PDE11A: variants seen among roughly 807,000 people sequenced by gnomAD.
PDE11A encodes the protein phosphodiesterase 11A.
Under a neutral mutation model 100.5 loss-of-function variants are expected in PDE11A, and 100 were observed. That is an observed-to-expected ratio of 1.00 (90% CI 0.85 to 1.18). The LOEUF is 1.18. Ranked by LOEUF, PDE11A falls within the 50% of genes most tolerant of loss-of-function variation. The pLI is 0.00. For missense variants in PDE11A, 1,141 were observed against 1,152.6 expected (o/e 0.99, Z 0.15); for synonymous variants, 381 against 420.8 (o/e 0.91, Z 1.16).
intron 6 of PDE11A, among the ~76,000 whole-genome samples, chr2:177,837,047 G>A (rs969349020): frequency 2.6e-5 from 4 of 152,308 alleles, no homozygotes; most frequent in African/African-American, 7.2e-5. Flanking sequence ...GAAACCTGAC[G>A]TGCCAGCAAA....
chr2:178,011,724 C>G (rs1161435351), intron 2 of PDE11A, among the ~76,000 whole-genome samples: 5 of 152,172 alleles, frequency 3.3e-5, no homozygotes, highest in African/African-American at 1.2e-4. Flanking sequence ...CTTACTAAGT[C>G]CTAAGTTCTC....
chr2:177,680,188 T>G lies in PDE11A; in HGVS notation c.2423+638A>C, dbSNP rs570203173. ...GAGCTCTCCCAGCAAAACTTAGCAATGTTAGAACAGGGATAAGACAGCAGA... is the reference window on the plus strand; with the variant it reads ...GAGCTCTCCCAGCAAAACTTAGCAAGGTTAGAACAGGGATAAGACAGCAGA... On this transcript the variant is annotated intron_variant, in intron 16 of 19. Coordinates refer to ENST00000286063, the MANE Select transcript of PDE11A (RefSeq NM_016953.4). 5.3e-5 allele frequency among the ~76,000 whole-genome samples: 8 copies of G among 152,120 alleles called. No homozygotes were observed. The East Asian group carries it at 1.5e-3, about 29-fold the overall frequency.
At chr2:178,043,309 A>G (rs541377173) in intron 1 of PDE11A, among the ~76,000 whole-genome samples, 17 of 152,260 alleles carry the variant, frequency 1.1e-4, no homozygotes, top group African/African-American at 4.1e-4. Context: ...TCCTCCTTTC[A>G]CACTAAATTC....
At chr2:177,792,188 A>C (rs1223846523) in intron 9 of PDE11A, among the ~76,000 whole-genome samples, 1 of 152,184 alleles carries the variant, frequency 6.6e-6, no homozygotes, top group Non-Finnish European at 1.5e-5. Flanking sequence ...TAAATGTATT[A>C]ATGTTTCACA....
intron 2 of PDE11A, among the ~76,000 whole-genome samples, chr2:177,950,473 C>G (rs761754806): frequency 9.9e-5 from 15 of 152,164 alleles, no homozygotes; most frequent in Admixed American, 6.5e-5. Flanking sequence ...CCTGAAGTCA[C>G]AGGGCAGCGT....
chr2:177,961,392 G>A (rs1402667750), intron 2 of PDE11A, among the ~76,000 whole-genome samples: 2 of 152,042 alleles, frequency 1.3e-5, no homozygotes, highest in African/African-American at 4.8e-5. Context: ...TAGTATAGAG[G>A]CTGTATCGCT....
intron 5 of PDE11A, among the ~76,000 whole-genome samples, chr2:177,864,693 A>G (rs2083999546): frequency 6.6e-6 from 1 of 152,204 alleles, no homozygotes; most frequent in South Asian, 2.1e-4. Context: ...ATCAATTATG[A>G]GATAGCACTC....
intron 13 of PDE11A, among the ~76,000 whole-genome samples, chr2:177,702,025 G>A (rs999661445): frequency 2.6e-5 from 4 of 152,194 alleles, no homozygotes; most frequent in Admixed American, 6.5e-5. Flanking sequence ...TTCCCAGCAT[G>A]TAGTAGATTG....
At chr2:177,786,914 G>A (rs1044122019) in intron 9 of PDE11A, among the ~76,000 whole-genome samples, 5 of 151,620 alleles carry the variant, frequency 3.3e-5, no homozygotes, top group East Asian at 3.9e-4. Context: ...ACGTCTGATC[G>A]GTGTACCTGA....
intron 4 of PDE11A, among the ~76,000 whole-genome samples, chr2:177,889,036 C>A (rs139809597): frequency 2.8e-4 from 43 of 152,302 alleles, no homozygotes; most frequent in African/African-American, 9.9e-4. Flanking sequence ...CACTCATCAC[C>A]TGCTTGGCTA....
intron 2 of PDE11A, among the ~76,000 whole-genome samples, chr2:178,000,059 A>C (rs2086125154): frequency 6.6e-6 from 1 of 152,126 alleles, no homozygotes. Flanking sequence ...GGGGTGGGGG[A>C]AATGCTCTTT....
At chr2:177,992,367 G>A (rs2086014769) in intron 2 of PDE11A, among the ~76,000 whole-genome samples, 1 of 151,362 alleles carries the variant, frequency 6.6e-6, no homozygotes, top group Admixed American at 6.6e-5. Flanking sequence ...AGATTCCAGG[G>A]CATCCACTTG....
chr2:177,637,979 GTA>G lies in PDE11A; in HGVS notation c.2647-8419_2647-8418del, dbSNP rs1191837108. 8.2e-4 allele frequency among the ~76,000 whole-genome samples: 42 copies of G among 50,936 alleles called. 1 individual carries two copies. The highest frequency in any genetic ancestry group is 1.4e-3 in the African/African-American group (23 of 16,602). The allele number at this position is 50,936 out of a possible 152,430, so 33.4% of individuals were successfully genotyped here. ...CATATATACGTATATATATACACGT[GTA>G]TATATATATATATATATTTTTTTTT... On this transcript the variant is annotated intron_variant, in intron 19 of 19. Coordinates refer to ENST00000286063, the MANE Select transcript of PDE11A (RefSeq NM_016953.4).
intron 2 of PDE11A, among the ~76,000 whole-genome samples, chr2:177,965,320 G>T (rs1316236688): frequency 1.3e-5 from 2 of 152,172 alleles, no homozygotes; most frequent in African/African-American, 4.8e-5. Flanking sequence ...CCTGTAGGTT[G>T]TCTGTTTACT....
chr2:177,948,790 T>C (rs1394113918), intron 2 of PDE11A, among the ~76,000 whole-genome samples: 1 of 152,124 alleles, frequency 6.6e-6, no homozygotes, highest in Non-Finnish European at 1.5e-5. Context: ...ATGCCTGTAG[T>C]CCTTGTTACT....
chr2:177,878,438 T>G lies in PDE11A; in HGVS notation c.1303-2515A>C, dbSNP rs544056199. Among the ~76,000 whole-genome samples the G allele has an allele frequency of 2.0e-5, 3 of 152,274 alleles. No homozygotes were observed. The East Asian group carries it at 5.8e-4, about 29-fold the overall frequency. On this transcript the variant is annotated intron_variant, in intron 4 of 19. Transcript: ENST00000286063. ...GTAAAATGCAACACAGCTTCTGCCT[T>G]GCCTGATGAAATATGTGTGCTTGGA... is the stretch of plus-strand genomic sequence containing the variant.
Position 177,767,925 on chromosome 2 carries a change from C to A in PDE11A, c.1788+1398G>T, listed in dbSNP as rs74362362. The stretch of plus-strand genomic sequence containing the variant: ...CTGGTATGCAGGATGTTTTCCTCTG[C>A]AACAAATGGGCCCTGACTGCTGTGG... On this transcript the variant is annotated intron_variant, in intron 10 of 19. Coordinates refer to ENST00000286063, the MANE Select transcript of PDE11A (RefSeq NM_016953.4). Among the ~76,000 whole-genome samples, 945 of 152,260 alleles carry A rather than the reference C, an allele frequency of 6.2e-3. 5 individuals are homozygous for A. Among genetic ancestry groups the A allele is most frequent in the African/African-American group, 0.022 (900 of 41,548 alleles).
intron 9 of PDE11A, among the ~76,000 whole-genome samples, chr2:177,790,546 A>C (rs1183594220): frequency 6.6e-6 from 1 of 152,198 alleles, no homozygotes; most frequent in Non-Finnish European, 1.5e-5. Flanking sequence ...AATGGGATCT[A>C]ATTAAACTAA....
intron 6 of PDE11A, among the ~76,000 whole-genome samples, chr2:177,824,233 C>T (rs1357889033): frequency 6.6e-6 from 1 of 152,052 alleles, no homozygotes; most frequent in Non-Finnish European, 1.5e-5. Context: ...GGAAATGATA[C>T]GAACTCCAAA....
Sources: gnomAD v4.1 joint callset for allele counts (sites outside exome capture counted in the v4.1 genomes callset) on GRCh38, gnomAD v4.1.1 for gene constraint, MANE v1.5 for transcripts, NCBI Gene and HGNC (gene_info 2026-07-23, HGNC 2026-07-21) for gene names.